PDZRN3: variants seen among roughly 807,000 people sequenced by gnomAD.
The protein encoded by PDZRN3 is E3 ubiquitin-protein ligase PDZRN3.
Under a neutral mutation model 85.7 loss-of-function variants are expected in PDZRN3, and 38 were observed. That is an observed-to-expected ratio of 0.44 (90% confidence interval 0.34 to 0.58). The LOEUF is 0.58. PDZRN3 is among the 20% of genes least tolerant of loss of function. The pLI is 0.01. For synonymous variants in PDZRN3, 759 were observed against 638.0 expected (o/e 1.19, Z -2.86); for missense variants, 1,629 against 1,506.4 (o/e 1.08, Z -1.35).
intron 3 of PDZRN3, among the ~76,000 whole-genome samples, chr3:73,469,198 G>A (rs970756832): frequency 2.6e-5 from 4 of 151,336 alleles, no homozygotes; most frequent in East Asian, 1.9e-4. Context: ...TCAGCCTCCC[G>A]AATAGCTGGA....
intron 7 of PDZRN3, among the ~76,000 whole-genome samples, chr3:73,389,406 C>A (rs1040902318): frequency 2.0e-5 from 3 of 152,096 alleles, no homozygotes; most frequent in Non-Finnish European, 2.9e-5. Context: ...CTTTTATGGA[C>A]GAGCCTCTGA....
At chr3:73,571,505 G>A (rs1246380279) in intron 3 of PDZRN3, among the ~76,000 whole-genome samples, 1 of 152,196 alleles carries the variant, frequency 6.6e-6, no homozygotes, top group Non-Finnish European at 1.5e-5. Flanking sequence ...GGGCAGTCCA[G>A]CTGTAGTCAC....
At chr3:73,602,160 T>A (rs1702524696) in intron 3 of PDZRN3, among the ~76,000 whole-genome samples, 194 bp downstream of exon 3, 1 of 152,146 alleles carries the variant, frequency 6.6e-6, no homozygotes, top group South Asian at 2.1e-4. Flanking sequence ...TAATCTGGCT[T>A]TTCTACATTT....
chr3:73,499,836 T>C (rs1277212231), intron 3 of PDZRN3, among the ~76,000 whole-genome samples: 1 of 152,152 alleles, frequency 6.6e-6, no homozygotes, highest in Admixed American at 6.5e-5. Flanking sequence ...TCCTTGCCTA[T>C]AGTAAATGAT....
intron 3 of PDZRN3, among the ~76,000 whole-genome samples, chr3:73,405,276 C>T (rs569682603): frequency 8.7e-4 from 133 of 152,190 alleles, no homozygotes; most frequent in Non-Finnish European, 1.4e-3. Context: ...ATCTTTAGAA[C>T]AGCTGACATA....
intron 2 of PDZRN3, among the ~76,000 whole-genome samples, chr3:73,602,880 T>C (rs1267450281): frequency 6.6e-6 from 1 of 152,256 alleles, no homozygotes; most frequent in Non-Finnish European, 1.5e-5. Flanking sequence ...CTGCTACCAA[T>C]TCGTGTCTGC....
intron 3 of PDZRN3, chr3:73,407,909 A>G: frequency 1.8e-6 from 1 of 558,654 alleles, no homozygotes; most frequent in Non-Finnish European, 3.2e-6. Context: ...CAGCATCCAT[A>G]CTGCCCAGGT....
At chr3:73,580,332 C>T (rs1444427385) in intron 3 of PDZRN3, among the ~76,000 whole-genome samples, 1 of 152,142 alleles carries the variant, frequency 6.6e-6, no homozygotes, top group Non-Finnish European at 1.5e-5. Context: ...TCCTCAGATC[C>T]TTATGGGGTT....
In PDZRN3 at chr3:73,490,510, C is replaced by T. The variant is rs554782177; in HGVS notation, c.919-86115G>A. Among the ~76,000 whole-genome samples the T allele has an allele frequency of 1.7e-4, 26 of 152,332 alleles. No homozygotes were observed. The East Asian group carries it at 3.1e-3, about 18-fold the overall frequency. ...CCTTTTGGGATGGGCATCTACATCA[C>T]GGCAAATGTGGGCAACAGCCCCACA... On this transcript the variant is annotated intron_variant, in intron 3 of 9. Transcript: ENST00000263666.
chr3:73,516,338 AAC>A (rs1193811626), intron 3 of PDZRN3, among the ~76,000 whole-genome samples: 1 of 152,242 alleles, frequency 6.6e-6, no homozygotes, highest in African/African-American at 2.4e-5. Flanking sequence ...AACTCTCACC[AAC>A]AGTTTATGAG....
At position 73,411,393 on chromosome 3, in the gene PDZRN3, CTCTG is replaced by C. The variant is rs555075927; in HGVS notation, c.919-7002_919-6999del. 1.0e-3 allele frequency among the ~76,000 whole-genome samples: 156 copies of C among 152,316 alleles called. 2 individuals carry two copies. The highest frequency in any genetic ancestry group is 3.5e-3 in the African/African-American group (147 of 41,574). ...GTGGCTTTTCTTGGATAACTGATTT[CTCTG>C]TCTGTCTCTGTTTTAGAACTTCTCT... On this transcript the variant is annotated intron_variant, in intron 3 of 9. Transcript: ENST00000263666.
rs11343439 is a variant in PDZRN3 at position 73,602,470 on chromosome 3, TAA to T, written c.811-11_811-10del. 5,547 of 1,009,754 alleles carry T rather than the reference TAA, an allele frequency of 5.5e-3. 4 individuals carry two copies. Among genetic ancestry groups the T allele is most frequent in the South Asian group, 8.1e-3 (514 of 63,528 alleles). The allele number at this position is 1,009,754 out of a possible 1,614,324, so 62.5% of individuals were successfully genotyped here. A position where few individuals can be genotyped will look rare whatever the true frequency, so the allele number is the denominator to read the frequency against. ...GATCCATCGTGGTTATCCTTTGGGT[TAA>T]AAAAAAAAACATGCATGAATGCTAG... On this transcript the variant is annotated splice_polypyrimidine_tract_variant and intron_variant, in intron 2 of 9. Coordinates refer to ENST00000263666, the MANE Select transcript of PDZRN3 (RefSeq NM_015009.3).
At chr3:73,385,247 T>C (rs1236393080) in intron 9 of PDZRN3, among the ~76,000 whole-genome samples, 1 of 152,220 alleles carries the variant, frequency 6.6e-6, no homozygotes, top group African/African-American at 2.4e-5. Flanking sequence ...ATAAAGGTCC[T>C]TGTTCAACTC....
chr3:73,554,008 G>A (rs1701628784), intron 3 of PDZRN3, among the ~76,000 whole-genome samples: 1 of 152,246 alleles, frequency 6.6e-6, no homozygotes, highest in South Asian at 2.1e-4. Context: ...CTCACTGGCA[G>A]CTGGAGGTAC....
chr3:73,468,921 AAAG>A (rs1030881349), intron 3 of PDZRN3, among the ~76,000 whole-genome samples: 22 of 152,324 alleles, frequency 1.4e-4, no homozygotes, highest in African/African-American at 5.3e-4. Context: ...TATGAGAATC[AAAG>A]AAGAAGCATG....
intron 3 of PDZRN3, among the ~76,000 whole-genome samples, chr3:73,449,597 C>T (rs1021951791): frequency 1.3e-5 from 2 of 152,142 alleles, no homozygotes; most frequent in Non-Finnish European, 1.5e-5. Context: ...TCATATCCCA[C>T]GCCTCACTGT....
At chr3:73,386,172 G>C (rs550971214) in intron 8 of PDZRN3, among the ~76,000 whole-genome samples, 1 of 144,414 alleles carries the variant, frequency 6.9e-6, no homozygotes, top group South Asian at 2.2e-4. Flanking sequence ...TTTTCAGTGT[G>C]AAAAGAGTTC....
Position 73,384,364 on chromosome 3 carries a change from G to T in PDZRN3, c.2202C>A (p.Asp734Glu). 6.2e-7 allele frequency: 1 copy of T among 1,609,440 alleles called. No homozygotes were observed. The change falls in exon 10 of 10, where the codon GAC (aspartate) becomes GAA (glutamate). Residue 734 changes from aspartate (D) to glutamate (E), a missense_variant. Transcript: ENST00000263666. The part of the protein sequence containing the change: ...SGFRNYNTSI[D>E]VRRHELSDIT... ...TATCTGAGAGCTCGTGTCTGCGCAC[G>T]TCGATGCTGGTGTTGTAGTTGCGGA...
intron 3 of PDZRN3, among the ~76,000 whole-genome samples, chr3:73,452,766 G>A (rs1702890345): frequency 6.6e-6 from 1 of 151,656 alleles, no homozygotes; most frequent in Non-Finnish European, 1.5e-5. Flanking sequence ...TTCGCTCAGT[G>A]GTTACAGTTG....
Sources: gnomAD v4.1 joint callset for allele counts (sites outside exome capture counted in the v4.1 genomes callset) on GRCh38, gnomAD v4.1.1 for gene constraint, MANE v1.5 for transcripts, NCBI Gene and HGNC (gene_info 2026-07-23, HGNC 2026-07-21) for gene names.